TRPS1: variants seen among roughly 807,000 people sequenced by gnomAD.
The protein encoded by TRPS1 is transcriptional repressor GATA binding 1.
Under a neutral mutation model 101.2 loss-of-function variants are expected in TRPS1, and 6 were observed. That is an observed-to-expected ratio of 0.06 (90% CI 0.03 to 0.12). TRPS1 has a LOEUF of 0.12. Among genes scored for constraint, TRPS1 ranks in the 10% least tolerant of loss-of-function variants. TRPS1 has a pLI of 1.00. For missense variants in TRPS1, 1,363 were observed against 1,567.0 expected (o/e 0.87, Z 2.20); for synonymous variants, 578 against 589.8 (o/e 0.98, Z 0.29).
intron 1 of TRPS1, among the ~76,000 whole-genome samples, chr8:115,632,494 G>GCA (rs150875542): frequency 6.0e-4 from 90 of 151,092 alleles, no homozygotes; most frequent in Middle Eastern, 3.4e-3. Context: ...AAACACACGT[G>GCA]CACACACACA....
At chr8:115,444,907 G>T (rs1204208303) in intron 5 of TRPS1, among the ~76,000 whole-genome samples, 1 of 151,700 alleles carries the variant, frequency 6.6e-6, no homozygotes, top group African/African-American at 2.4e-5. Flanking sequence ...TTGTGTCTTT[G>T]TTTTCCAATC....
intron 3 of TRPS1, among the ~76,000 whole-genome samples, chr8:115,606,775 A>G (rs1818046645): frequency 6.7e-6 from 1 of 148,798 alleles, no homozygotes; most frequent in South Asian, 2.1e-4. Flanking sequence ...ATATTTCCCA[A>G]TTCACTGGAG....
intron 5 of TRPS1, among the ~76,000 whole-genome samples, chr8:115,557,086 AAG>A (rs1816838109): frequency 1.3e-5 from 2 of 152,224 alleles, no homozygotes; most frequent in South Asian, 2.1e-4. Flanking sequence ...GCATTAGGCA[AAG>A]AGAGAGAGCT....
chr8:115,416,803 C>T (rs1187260666), intron 6 of TRPS1, among the ~76,000 whole-genome samples: 1 of 152,002 alleles, frequency 6.6e-6, no homozygotes, highest in Non-Finnish European at 1.5e-5. Flanking sequence ...TGCAACATAG[C>T]TTAGTTATGC....
At chr8:115,586,980 T>C in intron 5 of TRPS1, 21 bp downstream of exon 5, 1 of 1,613,816 alleles carries the variant, frequency 6.2e-7, no homozygotes, top group African/African-American at 1.3e-5. Context: ...AATGAATTAT[T>C]TAAAAATGAA....
At chr8:115,528,987 A>C (rs1272676010) in intron 5 of TRPS1, among the ~76,000 whole-genome samples, 1 of 152,130 alleles carries the variant, frequency 6.6e-6, no homozygotes, top group Non-Finnish European at 1.5e-5. Context: ...GAACCTCACC[A>C]AGAGAATGAA....
At chr8:115,558,841 T>A (rs1194779737) in intron 5 of TRPS1, among the ~76,000 whole-genome samples, 7 of 152,116 alleles carry the variant, frequency 4.6e-5, no homozygotes, top group African/African-American at 1.4e-4. Context: ...TAACTAGAAA[T>A]GATAAAGAAT....
intron 5 of TRPS1, among the ~76,000 whole-genome samples, chr8:115,442,713 GCA>G (rs1813634130): frequency 6.6e-6 from 1 of 152,026 alleles, no homozygotes; most frequent in African/African-American, 2.4e-5. Flanking sequence ...TGTAATTCCA[GCA>G]CTTTGGGATG....
intron 1 of TRPS1, among the ~76,000 whole-genome samples, chr8:115,625,685 G>A (rs1212903581): frequency 5.3e-5 from 8 of 151,704 alleles, no homozygotes; most frequent in African/African-American, 1.9e-4. Flanking sequence ...AACTCCTCAA[G>A]GAAAACTGAC....
chr8:115,500,036 T>C (rs1815275067), intron 5 of TRPS1, among the ~76,000 whole-genome samples: 1 of 151,812 alleles, frequency 6.6e-6, no homozygotes, highest in Admixed American at 6.6e-5. Flanking sequence ...TTTCTTTTCT[T>C]TCCTTTTTTC....
intron 5 of TRPS1, among the ~76,000 whole-genome samples, chr8:115,480,407 G>A (rs1417265393): frequency 6.6e-6 from 1 of 152,014 alleles, no homozygotes; most frequent in Non-Finnish European, 1.5e-5. Flanking sequence ...TTATTATAGA[G>A]TTTACAGGAG....
chr8:115,627,588 T>C (rs564514441), intron 1 of TRPS1, among the ~76,000 whole-genome samples: 1 of 151,872 alleles, frequency 6.6e-6, no homozygotes, highest in Non-Finnish European at 1.5e-5. Context: ...GTAAATTAGA[T>C]TTTCACTCAT....
chr8:115,584,401 T>A (rs1012467192), intron 5 of TRPS1, among the ~76,000 whole-genome samples: 1 of 151,986 alleles, frequency 6.6e-6, no homozygotes, highest in Non-Finnish European at 1.5e-5. Context: ...ATAATTGTAG[T>A]TACTTTCAAG....
Position 115,414,150 on chromosome 8 carries a change from C to T in TRPS1, c.3758G>A (p.Ser1253Asn), listed in dbSNP as rs760338641. The T allele has an allele frequency of 8.1e-6, 13 of 1,614,058 alleles. No homozygotes were observed. In the South Asian group the frequency reaches 1.2e-4, roughly 15 times the overall value. The change falls in exon 7 of 7, where the codon AGT (serine) becomes AAT (asparagine). Residue 1253 changes from serine to asparagine, a missense_variant. Ser to Asn is a conservative substitution (Grantham distance 46, BLOSUM62 1). Transcript: ENST00000395715. The surrounding 1 kb of genome is among the most constrained non-coding windows in gnomAD (Gnocchi z 4.8). ...GCATATGCTGCACTGGAAAGGTCCACTGTCACCATGGCAACTCATATGCAA... is the reference window on the plus strand; with the variant it reads ...GCATATGCTGCACTGGAAAGGTCCATTGTCACCATGGCAACTCATATGCAA... ...YALHMSCHGD[S>N]GPFQCSICQH...
intron 5 of TRPS1, among the ~76,000 whole-genome samples, chr8:115,423,813 TAA>T (rs2129794618): frequency 6.6e-6 from 1 of 152,322 alleles, no homozygotes; most frequent in East Asian, 1.9e-4. Flanking sequence ...AGATATGACT[TAA>T]GACATTTTTT....
chr8:115,630,156 G>A (rs749273771), intron 1 of TRPS1, among the ~76,000 whole-genome samples: 41 of 151,888 alleles, frequency 2.7e-4, no homozygotes, highest in Non-Finnish European at 5.3e-4. Flanking sequence ...AAGCCTGAGA[G>A]GATGACCACA....
chr8:115,492,993 G>A (rs567040315), intron 5 of TRPS1, among the ~76,000 whole-genome samples: 1 of 152,026 alleles, frequency 6.6e-6, no homozygotes, highest in South Asian at 2.1e-4. Context: ...GGGATTACAG[G>A]TGTGAGCCAC....
chr8:115,557,904 C>A (rs1051408331), intron 5 of TRPS1, among the ~76,000 whole-genome samples: 6 of 152,150 alleles, frequency 3.9e-5, no homozygotes, highest in Middle Eastern at 3.4e-3. Context: ...GTAATATATT[C>A]TAGCGAATTT....
chr8:115,422,586 CA>C (rs1238055525), intron 5 of TRPS1, among the ~76,000 whole-genome samples: 9 of 152,034 alleles, frequency 5.9e-5, no homozygotes, highest in Non-Finnish European at 1.0e-4. Context: ...GCCTGGTCTC[CA>C]ACTCCTGACC....
Sources: gnomAD v4.1 joint callset for allele counts (sites outside exome capture counted in the v4.1 genomes callset) on GRCh38, gnomAD v4.1.1 for gene constraint, Gnocchi (gnomAD v3.1) non-coding constraint, MANE v1.5 for transcripts, NCBI Gene and HGNC (gene_info 2026-07-23, HGNC 2026-07-21) for gene names.